TPD52: variants seen among roughly 807,000 people sequenced by gnomAD.
The protein encoded by TPD52 is prostate and colon associated protein.
In TPD52, 17 loss-of-function variants were observed where a neutral mutation model predicts 31.3. The observed-to-expected ratio is 0.54, with a 90% confidence interval of 0.37 to 0.82. TPD52 has a LOEUF of 0.82. TPD52 is among the 40% of genes least tolerant of loss of function. TPD52 has a pLI of 0.00. For missense variants in TPD52, 212 were observed against 240.1 expected (o/e 0.88, Z 0.77); for synonymous variants, 83 against 89.6 (o/e 0.93, Z 0.42).
At chr8:80,042,511 CTTTAGATATT>C (rs1383747231) in intron 7 of TPD52, 99 bp downstream of exon 7, 6 of 1,505,894 alleles carry the variant, frequency 4.0e-6, no homozygotes, top group Non-Finnish European at 5.3e-6. Flanking sequence ...TATTTACATT[CTTTAGATATT>C]TTTAGAAAGA....
chr8:80,043,962 T>C (rs530893884), intron 6 of TPD52, among the ~76,000 whole-genome samples: 1 of 152,302 alleles, frequency 6.6e-6, no homozygotes, highest in Non-Finnish European at 1.5e-5. Context: ...ATAATTTTTT[T>C]AAAAACAAAA....
chr8:80,150,021 C>A (rs1810462896), intron 1 of TPD52, among the ~76,000 whole-genome samples: 1 of 152,230 alleles, frequency 6.6e-6, no homozygotes, highest in Non-Finnish European at 1.5e-5. Context: ...TTCAAGGCAG[C>A]CCCTCCCATC....
At chr8:80,156,455 C>T (rs1810978979) in intron 1 of TPD52, among the ~76,000 whole-genome samples, 2 of 152,090 alleles carry the variant, frequency 1.3e-5, no homozygotes, top group Non-Finnish European at 2.9e-5. Context: ...AATCAGAACA[C>T]CTTTTGGAGG....
chr8:80,080,371 T>C (rs766421047), intron 1 of TPD52: 1 of 1,614,184 alleles, frequency 6.2e-7, no homozygotes, highest in Non-Finnish European at 8.5e-7. Context: ...AGGAGACAAG[T>C]AGAGATAGCT....
At chr8:80,075,499 T>C (rs958677374) in intron 1 of TPD52, among the ~76,000 whole-genome samples, 1 of 152,132 alleles carries the variant, frequency 6.6e-6, no homozygotes, top group Admixed American at 6.5e-5. Context: ...GAAGAAACGA[T>C]CCTCAAGGTA....
intron 1 of TPD52, among the ~76,000 whole-genome samples, chr8:80,145,658 A>C (rs927692689): frequency 1.3e-5 from 2 of 152,206 alleles, no homozygotes; most frequent in Non-Finnish European, 2.9e-5. Flanking sequence ...AGTATGACAA[A>C]CTAATAGGGA....
intron 1 of TPD52, among the ~76,000 whole-genome samples, chr8:80,067,694 C>T (rs986400365): frequency 6.6e-6 from 1 of 151,962 alleles, no homozygotes; most frequent in African/African-American, 2.4e-5. Context: ...CTTCACATCA[C>T]TGATCTGAAA....
chr8:80,055,151 G>GT (rs2130576079), intron 2 of TPD52, among the ~76,000 whole-genome samples: 2 of 152,074 alleles, frequency 1.3e-5, no homozygotes, highest in African/African-American at 4.8e-5. Flanking sequence ...GACTTAAATG[G>GT]TAAGTTTCCC....
chr8:80,120,528 C>T (rs1563641091), intron 1 of TPD52, among the ~76,000 whole-genome samples: 1 of 152,050 alleles, frequency 6.6e-6, no homozygotes, highest in Non-Finnish European at 1.5e-5. Flanking sequence ...GATTGAATGA[C>T]AGGTTGATCC....
chr8:80,040,469 T>C (rs6984081), intron 7 of TPD52, among the ~76,000 whole-genome samples: 7,002 of 152,168 alleles, frequency 0.046, 521 homozygotes, highest in African/African-American at 0.16. Flanking sequence ...GAATTACAGG[T>C]GTAAGCCACT....
At chr8:80,094,547 G>A (rs1816585492) in intron 1 of TPD52, among the ~76,000 whole-genome samples, 2 of 142,998 alleles carry the variant, frequency 1.4e-5, no homozygotes, top group Admixed American at 1.4e-4. Flanking sequence ...GAGATTTTGG[G>A]AGTTACTGAT....
intron 1 of TPD52, chr8:80,170,943 G>A: frequency 2.9e-6 from 1 of 347,016 alleles, no homozygotes; most frequent in South Asian, 2.2e-5. Flanking sequence ...TGGGTCATAC[G>A]CCACCAAAAA....
chr8:80,060,154 AAAAG>A (rs1451075467), intron 2 of TPD52, among the ~76,000 whole-genome samples: 1 of 151,772 alleles, frequency 6.6e-6, no homozygotes, highest in African/African-American at 2.4e-5. Context: ...CGAAAAAAAA[AAAAG>A]AGAGAGAAGG....
chr8:80,118,213 T>G (rs574943773), intron 1 of TPD52, among the ~76,000 whole-genome samples: 26 of 152,260 alleles, frequency 1.7e-4, no homozygotes, highest in African/African-American at 6.0e-4. Flanking sequence ...CATGGAAAAA[T>G]AGTCTTTTCA....
chr8:80,151,818 TGCCA>T (rs1810588456), intron 1 of TPD52, among the ~76,000 whole-genome samples: 1 of 152,218 alleles, frequency 6.6e-6, no homozygotes, highest in Non-Finnish European at 1.5e-5. Context: ...AATGAATAAA[TGCCA>T]ATTAGATCTA....
In TPD52 at chr8:80,051,756, T is replaced by G. The variant is rs1586161354; in HGVS notation, c.285-128A>C. 3.5e-5 allele frequency: 25 copies of G among 720,084 alleles called. No homozygotes were observed. In the East Asian group the frequency reaches 7.2e-4, roughly 21 times the overall value. 44.6% of individuals were successfully genotyped at this position (720,084 alleles called of 1,614,324 possible). A position where few individuals can be genotyped will look rare whatever the true frequency, so the allele number is the denominator to read the frequency against. On this transcript the variant is annotated intron_variant, in intron 3 of 7. Transcript: ENST00000518937. ...AAAAAGAGAAAACATTTTTCAGAAC[T>G]TCTAAAATCCTTCATAACCAGCAGA...
chr8:80,038,672 G>A (rs1810093801), intron 7 of TPD52, among the ~76,000 whole-genome samples: 1 of 152,142 alleles, frequency 6.6e-6, no homozygotes, highest in Non-Finnish European at 1.5e-5. Context: ...CTCAGTTACA[G>A]TATAAGCTTT....
chr8:80,100,005 G>A (rs1186828765), intron 1 of TPD52, among the ~76,000 whole-genome samples: 1 of 152,206 alleles, frequency 6.6e-6, no homozygotes, highest in Non-Finnish European at 1.5e-5. Flanking sequence ...CCTTTCTGTG[G>A]ATTTCTAAGA....
intron 2 of TPD52, among the ~76,000 whole-genome samples, chr8:80,058,236 C>T (rs1344322174): frequency 6.6e-6 from 1 of 152,110 alleles, no homozygotes. Context: ...AATGCTACTT[C>T]CAGGACTTTA....
Sources: allele counts gnomAD v4.1 joint callset (sites outside exome capture counted in the v4.1 genomes callset), GRCh38; gene constraint gnomAD v4.1.1; transcripts MANE v1.5; gene names NCBI Gene and HGNC (gene_info 2026-07-23, HGNC 2026-07-21).